ALK: variants seen among roughly 807,000 people sequenced by gnomAD.
ALK encodes ALK tyrosine kinase receptor.
ALK carries 74 observed loss-of-function variants against 163.1 expected under a neutral mutation model. The ratio of observed to expected loss-of-function variants is 0.45; its 90% confidence interval spans 0.38 to 0.55. The LOEUF is 0.55. Ranked by LOEUF, ALK falls within the 20% of genes least tolerant of loss-of-function variation. The pLI is 0.00. For synonymous variants in ALK, 960 were observed against 843.2 expected, an observed-to-expected ratio of 1.14 and a Z score of -2.40; for missense variants, 2,063 against 2,105.3, an observed-to-expected ratio of 0.98 and a Z score of 0.39.
chr2:29,706,718 C>A (rs529988671), intron 2 of ALK, among the ~76,000 whole-genome samples: 13 of 152,268 alleles, frequency 8.5e-5, no homozygotes, highest in African/African-American at 2.9e-4. Context: ...TATCTGTGAC[C>A]ATTACTATGT....
Position 29,360,986 on chromosome 2 carries a change from T to TGCAGAGATGCAGAGAA in ALK, c.1282+22730_1282+22745dup, listed in dbSNP as rs1174742687. ...GCTAGGGCTCAGCTAGATGCAGAGA[T>TGCAGAGATGCAGAGAA]GCAGAGATGCAGAGAAGCATGGGCA... On this transcript the variant is annotated intron_variant, in intron 5 of 28. Coordinates refer to ENST00000389048, the MANE Select transcript of ALK (RefSeq NM_004304.5). Among the ~76,000 whole-genome samples, 10 of 152,336 alleles carry TGCAGAGATGCAGAGAA rather than the reference T, an allele frequency of 6.6e-5. No homozygotes were observed. In the South Asian group the frequency reaches 1.9e-3, roughly 28 times the overall value.
At chr2:29,701,196 C>T (rs897544548) in intron 2 of ALK, among the ~76,000 whole-genome samples, 5 of 152,196 alleles carry the variant, frequency 3.3e-5, no homozygotes, top group Admixed American at 1.3e-4. Context: ...TCAGATTTCC[C>T]CAGAATCCCT....
At chr2:29,728,684 G>A (rs559343952) in intron 1 of ALK, among the ~76,000 whole-genome samples, 1 of 152,248 alleles carries the variant, frequency 6.6e-6, no homozygotes, top group South Asian at 2.1e-4. Context: ...AAAGGGAGTG[G>A]GGTAGGGTGG....
intron 3 of ALK, among the ~76,000 whole-genome samples, chr2:29,628,704 G>A (rs778212039): frequency 6.6e-6 from 1 of 152,184 alleles, no homozygotes; most frequent in Non-Finnish European, 1.5e-5. Context: ...CTCTGGCAGA[G>A]ATGAGATTGC....
At chr2:29,918,901 T>G (rs1028466737) in intron 1 of ALK, among the ~76,000 whole-genome samples, 1 of 152,260 alleles carries the variant, frequency 6.6e-6, no homozygotes, top group Non-Finnish European at 1.5e-5. Context: ...TTTAAAAGCC[T>G]GATTTCTTTT....
intron 11 of ALK, among the ~76,000 whole-genome samples, chr2:29,267,864 G>A (rs1312949543): frequency 6.6e-6 from 1 of 152,186 alleles, no homozygotes; most frequent in East Asian, 1.9e-4. Context: ...TGATAAAAAA[G>A]CAGTCTTCCC....
intron 1 of ALK, among the ~76,000 whole-genome samples, chr2:29,756,399 T>A (rs1680532236): frequency 6.6e-6 from 1 of 152,230 alleles, no homozygotes; most frequent in African/African-American, 2.4e-5. Context: ...ACAAGGACCC[T>A]GTCTGTTTAT....
At chr2:29,824,007 C>T (rs1665124729) in intron 1 of ALK, among the ~76,000 whole-genome samples, 1 of 152,176 alleles carries the variant, frequency 6.6e-6, no homozygotes, top group Non-Finnish European at 1.5e-5. Flanking sequence ...GTGGGCTGGG[C>T]CCAGGGTCCC....
chr2:29,912,090 CAA>C (rs1667719340), intron 1 of ALK, among the ~76,000 whole-genome samples: 2 of 151,516 alleles, frequency 1.3e-5, no homozygotes, highest in African/African-American at 4.9e-5. Flanking sequence ...AGAAAAATTT[CAA>C]AAAAAGAAAT....
chr2:29,396,546 T>C (rs1426189803), intron 4 of ALK, among the ~76,000 whole-genome samples: 1 of 152,100 alleles, frequency 6.6e-6, no homozygotes, highest in African/African-American at 2.4e-5. Context: ...TGGTGGCGTG[T>C]GCCTGTAATC....
At chr2:29,490,625 T>A (rs1265361762) in intron 4 of ALK, among the ~76,000 whole-genome samples, 1 of 152,182 alleles carries the variant, frequency 6.6e-6, no homozygotes, top group East Asian at 1.9e-4. Flanking sequence ...CGACAACATC[T>A]AAATCAGGCC....
intron 2 of ALK, among the ~76,000 whole-genome samples, chr2:29,711,818 T>C (rs916271972): frequency 4.5e-4 from 68 of 152,234 alleles, no homozygotes; most frequent in African/African-American, 1.5e-3. Flanking sequence ...TCTCTGTCTC[T>C]GTCCCCTTCC....
chr2:29,831,198 G>A lies in ALK; in HGVS notation c.667+88795C>T, dbSNP rs140512611. Reference sequence around the variant, plus strand: ...GAGGAAGGGGAAGGGGAAGGGGAAGGGGAAGGGGAAGAGGAAGAGGAAGAG... The same window carrying A: ...GAGGAAGGGGAAGGGGAAGGGGAAGAGGAAGGGGAAGAGGAAGAGGAAGAG... On this transcript the variant is annotated intron_variant, in intron 1 of 28. Coordinates refer to ENST00000389048, the MANE Select transcript of ALK (RefSeq NM_004304.5). Among the ~76,000 whole-genome samples the A allele has an allele frequency of 1.8e-3, 92 of 50,726 alleles. 11 individuals are homozygous for A. Among genetic ancestry groups the A allele is most frequent in the South Asian group, 5.8e-3 (4 of 694 alleles). The allele number at this position is 50,726 out of a possible 152,430, so 33.3% of individuals were successfully genotyped here.
At chr2:29,339,174 C>T (rs556109603) in intron 5 of ALK, among the ~76,000 whole-genome samples, 10 of 151,254 alleles carry the variant, frequency 6.6e-5, no homozygotes, top group South Asian at 2.1e-4. Context: ...ACCCAGGAGG[C>T]GGAGGTTGCA....
chr2:29,629,373 T>C (rs1015227855), intron 3 of ALK, among the ~76,000 whole-genome samples: 1 of 152,048 alleles, frequency 6.6e-6, no homozygotes, highest in Non-Finnish European at 1.5e-5. Context: ...TAACTACAGG[T>C]TTCTTCAAGC....
rs377191695 is a variant in ALK, at chr2:29,901,510, G to A, written c.667+18483C>T. On this transcript the variant is annotated intron_variant, in intron 1 of 28. Transcript: ENST00000389048. ...TTCAAACTACAAAGGCAAGCTTGGTGCCAGGGAAGGAGTCCCAGCTTCAAG... is the reference window on the plus strand; with the variant it reads ...TTCAAACTACAAAGGCAAGCTTGGTACCAGGGAAGGAGTCCCAGCTTCAAG... Among the ~76,000 whole-genome samples the A allele has an allele frequency of 7.9e-5, 12 of 152,286 alleles. No individual in the cohort carries two copies. In the East Asian group the frequency reaches 2.3e-3, roughly 29 times the overall value.
intron 1 of ALK, among the ~76,000 whole-genome samples, chr2:29,748,855 C>T (rs1312055850): frequency 2.0e-5 from 3 of 152,070 alleles, no homozygotes; most frequent in South Asian, 2.1e-4. Context: ...AAGCGATTCT[C>T]GTGCCTCAGC....
chr2:29,626,017 C>A (rs1339729757), intron 3 of ALK, among the ~76,000 whole-genome samples: 2 of 152,174 alleles, frequency 1.3e-5, no homozygotes, highest in African/African-American at 4.8e-5. Flanking sequence ...GTATTTTCAG[C>A]TCAGGAAACA....
intron 4 of ALK, among the ~76,000 whole-genome samples, chr2:29,501,433 G>A (rs557077119): frequency 5.9e-5 from 9 of 152,294 alleles, no homozygotes; most frequent in South Asian, 2.1e-4. Context: ...ACTCTCCGAC[G>A]CTTCATTTCC....
Sources: allele counts gnomAD v4.1 joint callset (sites outside exome capture counted in the v4.1 genomes callset), GRCh38; gene constraint gnomAD v4.1.1; transcripts MANE v1.5; gene names NCBI Gene and HGNC (gene_info 2026-07-23, HGNC 2026-07-21).